Variants in ST7L observed in about 807,000 individuals in gnomAD.
ST7L encodes suppression of tumorigenicity 7 like.
ST7L carries 57 observed loss-of-function variants against 72.5 expected under a neutral mutation model. The ratio of observed to expected loss-of-function variants is 0.79; its 90% CI spans 0.64 to 0.98. The LOEUF is 0.98. ST7L is among the 50% of genes least tolerant of loss of function. The probability of loss-of-function intolerance (pLI) is 0.00; values close to 1 mark genes in which losing one functional copy is unlikely to be tolerated. For missense variants in ST7L, 576 were observed against 672.2 expected (o/e 0.86, Z 1.58); for synonymous variants, 221 against 240.9 (o/e 0.92, Z 0.77).
rs1441069348 is a variant in ST7L at position 112,619,009 on chromosome 1, G to A, written c.105C>T (p.Ala35=). ...ACGAGGCCCCAGTCCCCGCCAGCCC[G>A]GCCCGCAGTCGCTCCCTCCAGCCTA... The part of the protein sequence containing the change: ...PTLGWRERLR[A]GLAGTGASLW... Residue 35 remains alanine (A), a synonymous_variant, in exon 1 of 15, where the codon GCC becomes GCT. Transcript: ENST00000358039. 1 of 1,613,386 alleles carries A rather than the reference G, an allele frequency of 6.2e-7. No individual in the cohort carries two copies. Among genetic ancestry groups the A allele is most frequent in the South Asian group, 1.1e-5 (1 of 90,978 alleles).
intron 11 of ST7L, among the ~76,000 whole-genome samples, chr1:112,570,285 A>T: frequency 6.6e-6 from 1 of 151,994 alleles, no homozygotes; most frequent in East Asian, 1.9e-4. Flanking sequence ...AGAATAAAAA[A>T]GCTATAGAAG....
chr1:112,576,958 G>T, intron 11 of ST7L, 28 bp downstream of exon 11: 1 of 1,470,464 alleles, frequency 6.8e-7, no homozygotes, highest in South Asian at 1.2e-5. Context: ...TTAAATAAAG[G>T]TAGTATTTTT....
At chr1:112,521,311 C>CTTTTTTTT (rs5777124), downstream of ST7L, 31 of 122,078 alleles carry the variant, frequency 2.5e-4, no homozygotes, top group African/African-American at 7.6e-4. Flanking sequence ...CTTGTGTTGC[C>CTTTTTTTT]TTTTTTTTTT....
At chr1:112,548,793 T>G (rs990633349) in intron 13 of ST7L, among the ~76,000 whole-genome samples, 3 of 152,224 alleles carry the variant, frequency 2.0e-5, no homozygotes, top group African/African-American at 7.2e-5. Context: ...ATAAGGCAGC[T>G]GAGACACAAA....
chr1:112,556,954 G>A (rs566994115), intron 11 of ST7L, among the ~76,000 whole-genome samples: 61 of 72,854 alleles, frequency 8.4e-4, no homozygotes, highest in African/African-American at 2.7e-3. Flanking sequence ...GCGACAGAGC[G>A]AGACTCTGTC....
At chr1:112,563,026 G>T (rs1263393952) in intron 11 of ST7L, among the ~76,000 whole-genome samples, 1 of 151,960 alleles carries the variant, frequency 6.6e-6, no homozygotes, top group Non-Finnish European at 1.5e-5. Context: ...TTGGGAGGGA[G>T]AGAACAGGAG....
intron 13 of ST7L, among the ~76,000 whole-genome samples, chr1:112,547,561 CTTTTTTT>C (rs59755766): frequency 9.7e-5 from 6 of 61,982 alleles, no homozygotes; most frequent in Admixed American, 4.3e-4. Flanking sequence ...TCTTTGTCAT[CTTTTTTT>C]TTTTTTTTTT....
intron 11 of ST7L, among the ~76,000 whole-genome samples, chr1:112,562,966 G>A (rs549357616): frequency 1.4e-4 from 21 of 152,112 alleles, no homozygotes; most frequent in Admixed American, 2.0e-4. Flanking sequence ...GAAAATGTGG[G>A]CCAATATATA....
intron 14 of ST7L, chr1:112,527,314 CTA>C (rs981343399): frequency 2.6e-5 from 4 of 152,370 alleles, no homozygotes; most frequent in Non-Finnish European, 5.9e-5. Flanking sequence ...AACAGTCTAC[CTA>C]TAGTCAGGAC....
intron 6 of ST7L, among the ~76,000 whole-genome samples, chr1:112,585,794 C>T (rs1260561024): frequency 2.6e-5 from 4 of 151,672 alleles, no homozygotes; most frequent in African/African-American, 9.7e-5. Context: ...AGATTAATTT[C>T]ACCTATTTCT....
intron 2 of ST7L, among the ~76,000 whole-genome samples, chr1:112,613,502 A>G (rs1013855622): frequency 9.2e-5 from 14 of 152,326 alleles, no homozygotes; most frequent in African/African-American, 3.4e-4. Context: ...TGATTCATAA[A>G]TATATCTCTT....
intron 11 of ST7L, among the ~76,000 whole-genome samples, chr1:112,557,495 G>C (rs913199131): frequency 2.6e-5 from 4 of 152,150 alleles, no homozygotes; most frequent in Non-Finnish European, 5.9e-5. Flanking sequence ...TTCATCAACT[G>C]ACAGATATTT....
At chr1:112,597,161 T>A (rs561803976) in intron 5 of ST7L, among the ~76,000 whole-genome samples, 1 of 152,354 alleles carries the variant, frequency 6.6e-6, no homozygotes, top group Admixed American at 6.5e-5. Context: ...GACAAAGTAG[T>A]ATAGAACTGC....
At chr1:112,611,073 C>A (rs745722407) in intron 2 of ST7L, 70 bp from the exon 3 acceptor site, 9 of 1,487,682 alleles carry the variant, frequency 6.0e-6, no homozygotes, top group Non-Finnish European at 8.2e-6. Context: ...TTAAAACATT[C>A]TCTCAAGATG....
chr1:112,525,909 G>A lies in ST7L; in HGVS notation c.*104C>T. The stretch of plus-strand genomic sequence containing the variant: ...ATATGCAAAATGCTTTAGCATATAT[G>A]TAATCCTCACAACAACCCTGTGAGG... On this transcript the variant is annotated 3_prime_UTR_variant, in exon 15 of 15. Coordinates refer to ENST00000358039, the MANE Select transcript of ST7L (RefSeq NM_017744.5). 6.7e-7 allele frequency: 1 copy of A among 1,496,674 alleles called. No homozygotes were observed. Among genetic ancestry groups the A allele is most frequent in the Non-Finnish European group, 9.0e-7 (1 of 1,106,428 alleles). 92.7% of individuals were successfully genotyped at this position (1,496,674 alleles called of 1,614,324 possible).
intron 13 of ST7L, among the ~76,000 whole-genome samples, chr1:112,548,735 A>G (rs556765611): frequency 1.3e-5 from 2 of 152,348 alleles, no homozygotes; most frequent in South Asian, 4.1e-4. Flanking sequence ...AATCATAAAA[A>G]GAGAAGTTAA....
At chr1:112,583,676 G>C (rs1558018050) in intron 7 of ST7L, among the ~76,000 whole-genome samples, 2 of 152,182 alleles carry the variant, frequency 1.3e-5, no homozygotes, top group African/African-American at 2.4e-5. Flanking sequence ...GAAAGTTTTT[G>C]AGTTATGTTT....
chr1:112,610,698 G>C (rs940187845), intron 3 of ST7L, 143 bp downstream of exon 3: 3 of 1,018,454 alleles, frequency 2.9e-6, no homozygotes, highest in Non-Finnish European at 1.4e-6. Flanking sequence ...ACCCTACCTC[G>C]TAACATCACA....
chr1:112,541,011 A>G (rs1656003966), intron 14 of ST7L: 1 of 481,732 alleles, frequency 2.1e-6, no homozygotes. Flanking sequence ...GTTGCTGGGC[A>G]TGGCGGCTCA....
Sources: allele counts gnomAD v4.1 joint callset (sites outside exome capture counted in the v4.1 genomes callset), GRCh38; gene constraint gnomAD v4.1.1; transcripts MANE v1.5; gene names NCBI Gene and HGNC (gene_info 2026-07-23, HGNC 2026-07-21).